Variants in CEP83 observed in about 807,000 individuals in gnomAD.
The protein encoded by CEP83 is centrosomal protein of 83 kDa.
Under a neutral mutation model 101.9 loss-of-function variants are expected in CEP83, and 70 were observed. The observed-to-expected ratio is 0.69, with a 90% CI of 0.57 to 0.84. The LOEUF (loss-of-function observed/expected upper bound fraction) is 0.84, where lower values mean the gene tolerates loss of function less well. Ranked by LOEUF, CEP83 falls within the 40% of genes least tolerant of loss-of-function variation. The pLI, the probability that CEP83 is intolerant of heterozygous loss-of-function variation, is 0.00. For missense variants in CEP83, 715 were observed against 787.2 expected (o/e 0.91, Z 1.10); for synonymous variants, 264 against 267.9 (o/e 0.99, Z 0.14).
At chr12:94,393,262 A>G (rs1176717399) in intron 6 of CEP83, among the ~76,000 whole-genome samples, 1 of 152,230 alleles carries the variant, frequency 6.6e-6, no homozygotes, top group Admixed American at 6.5e-5. Context: ...CAGCACATCA[A>G]AAAGCTTATC....
At chr12:94,279,036 C>A in the CEP83 span, among the ~76,000 whole-genome samples, 5 of 151,634 alleles carry the variant, frequency 3.3e-5, no homozygotes, top group East Asian at 7.7e-4. Flanking sequence ...AATATGGGGA[C>A]CTCGTAACCT....
chr12:94,424,808 C>T lies in CEP83; in HGVS notation c.-102+10467G>A, dbSNP rs554833733. On this transcript the variant is annotated intron_variant, in intron 2 of 16. Coordinates refer to ENST00000397809, the MANE Select transcript of CEP83 (RefSeq NM_016122.3). ...TCCTCGGATGTATAGGTTGGTTTTG[C>T]TCAGCTGGTCATTTCCATTGCTTCC... The T allele has an allele frequency of 7.5e-6, 12 of 1,605,572 alleles. No individual in the cohort carries two copies. In the East Asian group the frequency reaches 2.2e-4, roughly 30 times the overall value.
At chr12:94,431,370 G>A (rs1170984265) in intron 2 of CEP83, among the ~76,000 whole-genome samples, 1 of 152,056 alleles carries the variant, frequency 6.6e-6, no homozygotes, top group Non-Finnish European at 1.5e-5. Context: ...AACACTTCAG[G>A]ACATTGGTCT....
At chr12:94,298,303 C>T in the CEP83 span, among the ~76,000 whole-genome samples, 1 of 152,166 alleles carries the variant, frequency 6.6e-6, no homozygotes, top group Non-Finnish European at 1.5e-5. Context: ...TAATAAAAGC[C>T]AAATATCCAT....
At chr12:94,389,467 T>C (rs1281283935) in intron 6 of CEP83, among the ~76,000 whole-genome samples, 2 of 152,212 alleles carry the variant, frequency 1.3e-5, no homozygotes, top group Non-Finnish European at 2.9e-5. Context: ...ACATTAACTT[T>C]TTATATTACT....
intron 1 of CEP83, among the ~76,000 whole-genome samples, chr12:94,440,033 C>A (rs1025747800): frequency 1.3e-5 from 2 of 152,078 alleles, no homozygotes; most frequent in Non-Finnish European, 2.9e-5. Flanking sequence ...AAGGGACATA[C>A]CTTAAGATAA....
chr12:94,401,947 C>T (rs758976981), intron 5 of CEP83, among the ~76,000 whole-genome samples: 57 of 152,050 alleles, frequency 3.7e-4, no homozygotes, highest in Non-Finnish European at 6.6e-4. Context: ...GGGCAATTAC[C>T]GCATCACTAG....
At chr12:94,313,045 T>C in intron 14 of CEP83, 28 bp from the exon 15 acceptor site, 1 of 991,748 alleles carries the variant, frequency 1.0e-6, no homozygotes, top group South Asian at 1.4e-5. Flanking sequence ...AACAAGTATG[T>C]TAATACATAA....
At chr12:94,412,888 G>A (rs555972094) in intron 2 of CEP83, among the ~76,000 whole-genome samples, 9 of 147,896 alleles carry the variant, frequency 6.1e-5, no homozygotes, top group Admixed American at 4.7e-4. Context: ...AGTCTCGCTC[G>A]TTCGCCCAGG....
intron 11 of CEP83, among the ~76,000 whole-genome samples, chr12:94,355,995 C>T (rs1425747313): frequency 6.6e-6 from 1 of 152,166 alleles, no homozygotes; most frequent in Non-Finnish European, 1.5e-5. Flanking sequence ...CACTTCACAC[C>T]TCTATATTTC....
intron 1 of CEP83, among the ~76,000 whole-genome samples, chr12:94,435,556 AT>A (rs1486777455): frequency 1.3e-5 from 2 of 152,224 alleles, no homozygotes; most frequent in East Asian, 3.8e-4. Context: ...CGGGAGCTCT[AT>A]GGGCCTGTCC....
chr12:94,425,895 C>T (rs1256300358), intron 2 of CEP83, among the ~76,000 whole-genome samples: 2 of 151,996 alleles, frequency 1.3e-5, no homozygotes, highest in African/African-American at 2.4e-5. Flanking sequence ...CCAAGGTGGG[C>T]GGATCACGAG....
the CEP83 span, chr12:94,294,402 T>C: frequency 1.5e-6 from 1 of 650,018 alleles, no homozygotes. Flanking sequence ...GCATGTAAGA[T>C]CCATCCAGCC....
chr12:94,391,809 CAA>C (rs201342117), intron 6 of CEP83, among the ~76,000 whole-genome samples: 3 of 127,438 alleles, frequency 2.4e-5, no homozygotes, highest in African/African-American at 5.8e-5. Flanking sequence ...GTAGATCAAG[CAA>C]AAAAAAAAAG....
At chr12:94,449,196 A>C (rs982786193) in intron 1 of CEP83, among the ~76,000 whole-genome samples, 1 of 152,166 alleles carries the variant, frequency 6.6e-6, no homozygotes, top group Admixed American at 6.5e-5. Flanking sequence ...TACACTTCCT[A>C]GAACATACAA....
the CEP83 span, among the ~76,000 whole-genome samples, chr12:94,265,882 A>C: frequency 8.5e-5 from 13 of 152,312 alleles, no homozygotes; most frequent in East Asian, 9.6e-4. Context: ...AGAAAGAAAG[A>C]AAGCCCAGTT....
chr12:94,288,498 A>C, the CEP83 span, among the ~76,000 whole-genome samples: 1 of 152,182 alleles, frequency 6.6e-6, no homozygotes, highest in African/African-American at 2.4e-5. Flanking sequence ...GGTTAATTTC[A>C]AGTAAACAAG....
At chr12:94,338,178 C>A (rs2059531170) in intron 11 of CEP83, among the ~76,000 whole-genome samples, 1 of 151,992 alleles carries the variant, frequency 6.6e-6, no homozygotes, top group African/African-American at 2.4e-5. Flanking sequence ...AAAAGAATGC[C>A]AGAGTGCAGA....
chr12:94,303,642 C>A, downstream of CEP83: 1 of 869,628 alleles, frequency 1.1e-6, no homozygotes, highest in Non-Finnish European at 1.7e-6. Flanking sequence ...AGAGGTAAAA[C>A]TGGTTGGTGG....
Sources: allele counts gnomAD v4.1 joint callset (sites outside exome capture counted in the v4.1 genomes callset), GRCh38; gene constraint gnomAD v4.1.1; transcripts MANE v1.5; gene names NCBI Gene and HGNC (gene_info 2026-07-23, HGNC 2026-07-21).